NETO2: variants seen among roughly 807,000 people sequenced by gnomAD.
NETO2 encodes the protein neuropilin and tolloid-like protein 2.
NETO2 carries 28 observed loss-of-function variants against 62.5 expected under a neutral mutation model. The ratio of observed to expected loss-of-function variants is 0.45; its 90% confidence interval spans 0.33 to 0.61. The LOEUF is 0.61. Among genes scored for constraint, NETO2 ranks in the 20% least tolerant of loss-of-function variants. The probability of loss-of-function intolerance (pLI) is 0.02; values close to 1 mark genes in which losing one functional copy is unlikely to be tolerated. For synonymous variants in NETO2, 214 were observed against 219.1 expected (o/e 0.98, Z 0.21); for missense variants, 548 against 643.2 (o/e 0.85, Z 1.60).
At chr16:47,108,366 T>C (rs1214441632) in intron 7 of NETO2, among the ~76,000 whole-genome samples, 1 of 151,932 alleles carries the variant, frequency 6.6e-6, no homozygotes, top group East Asian at 1.9e-4. Context: ...AGGAAAAAAA[T>C]AGCAACTTTT....
chr16:47,089,301 C>A (rs945672635), intron 7 of NETO2, among the ~76,000 whole-genome samples: 2 of 151,990 alleles, frequency 1.3e-5, no homozygotes, highest in African/African-American at 4.8e-5. Context: ...CAGCAGAAAG[C>A]AGAAAAAAAC....
chr16:47,079,479 C>T lies in NETO2; in HGVS notation c.*3742G>A, dbSNP rs570458225. On this transcript the variant is annotated 3_prime_UTR_variant, in exon 9 of 9. Transcript: ENST00000562435. ...GCATGGTGTCGGGCGCCTGTAGTCC[C>T]AGCTACTTGGGAGACTGAGGCAGGA... 21 of 151,984 alleles carry T rather than the reference C, an allele frequency of 1.4e-4. No individual in the cohort carries two copies. The South Asian group carries it at 1.5e-3, about 11-fold the overall frequency. The allele number at this position is 151,984 out of a possible 1,614,324, so 9.4% of individuals were successfully genotyped here. A position where few individuals can be genotyped will look rare whatever the true frequency, so the allele number is the denominator to read the frequency against.
At position 47,079,586 on chromosome 16, in the gene NETO2, C is replaced by G. The variant is rs1384689607; in HGVS notation, c.*3635G>C. The G allele has an allele frequency of 6.6e-6, 1 of 152,410 alleles. No homozygotes were observed. The highest frequency in any genetic ancestry group is 1.5e-5 in the Non-Finnish European group (1 of 68,234). The allele number at this position is 152,410 out of a possible 1,614,324, so 9.4% of individuals were successfully genotyped here. On this transcript the variant is annotated 3_prime_UTR_variant, in exon 9 of 9. Coordinates refer to ENST00000562435, the MANE Select transcript of NETO2 (RefSeq NM_018092.5). ...CTCCAGCCTGGGCGACAGAGCGAGA[C>G]TCCGTCTCAAAAAAGAAAAAAACCA...
chr16:47,094,031 G>A (rs543458668), intron 7 of NETO2, among the ~76,000 whole-genome samples: 95 of 152,298 alleles, frequency 6.2e-4, no homozygotes, highest in Non-Finnish European at 1.2e-3. Context: ...GGGCAGTTCA[G>A]ATGTGTCTTA....
chr16:47,126,694 G>A (rs1354804117), intron 4 of NETO2, among the ~76,000 whole-genome samples: 1 of 152,164 alleles, frequency 6.6e-6, no homozygotes, highest in Non-Finnish European at 1.5e-5. Context: ...CGTGCAAGAT[G>A]CTGATGGAAA....
chr16:47,132,357 C>G (rs1311185697), intron 1 of NETO2, among the ~76,000 whole-genome samples: 1 of 151,294 alleles, frequency 6.6e-6, no homozygotes, highest in African/African-American at 2.4e-5. Flanking sequence ...AACTATTCCT[C>G]TATTTACTGT....
At chr16:47,084,352 T>A (rs918685200) in intron 8 of NETO2, among the ~76,000 whole-genome samples, 2 of 152,192 alleles carry the variant, frequency 1.3e-5, no homozygotes, top group Non-Finnish European at 2.9e-5. Context: ...TATTGAACTC[T>A]TACAGCAGGG....
intron 6 of NETO2, among the ~76,000 whole-genome samples, chr16:47,122,378 G>C (rs746969081): frequency 6.6e-6 from 1 of 151,956 alleles, no homozygotes; most frequent in Non-Finnish European, 1.5e-5. Flanking sequence ...TCACCAATTG[G>C]GAACTGACAG....
In NETO2 at chr16:47,083,091, A is replaced by G; in HGVS notation, c.*130T>C. On this transcript the variant is annotated 3_prime_UTR_variant, in exon 9 of 9. Transcript: ENST00000562435. ...GAGAGAATAAAAACATCACCATACA[A>G]TAGGTTAACGGTAAATCAAGGTCTT... is the stretch of plus-strand genomic sequence containing the variant. The G allele has an allele frequency of 1.3e-6, 1 of 763,886 alleles. No individual in the cohort carries two copies. The highest frequency in any genetic ancestry group is 2.1e-6 in the Non-Finnish European group (1 of 469,310). The allele number at this position is 763,886 out of a possible 1,614,324, so 47.3% of individuals were successfully genotyped here.
chr16:47,109,672 T>A lies in NETO2; in HGVS notation c.694A>T (p.Asn232Tyr). ...GCAACGAAGTTTCTCTTGCATTCAT[T>A]TGAGTGCTCCATTTGATAATCTAGG... is the stretch of plus-strand genomic sequence containing the variant. ...RFLDYQMEHS[N>Y]ECKRNFVAVY... Residue 232 changes from asparagine to tyrosine, a missense_variant, in exon 7 of 9, where the codon AAT becomes TAT. Transcript: ENST00000562435. 1 of 1,613,876 alleles carries A rather than the reference T, an allele frequency of 6.2e-7. No individual in the cohort carries two copies. The highest frequency in any genetic ancestry group is 2.2e-5 in the East Asian group (1 of 44,872).
rs1963043843 is a variant in NETO2, at chr16:47,080,433, T to A, written c.*2788A>T. On this transcript the variant is annotated 3_prime_UTR_variant, in exon 9 of 9. Coordinates refer to ENST00000562435, the MANE Select transcript of NETO2 (RefSeq NM_018092.5). ...TTCCACAAGATTGCTAAATTTCATG[T>A]CTTCTGTTATTAAATTTTATGGCTT... 1 of 152,252 alleles carries A rather than the reference T, an allele frequency of 6.6e-6. No homozygotes were observed. Among genetic ancestry groups the A allele is most frequent in the African/African-American group, 2.4e-5 (1 of 41,470 alleles). 9.4% of individuals were successfully genotyped at this position (152,252 alleles called of 1,614,324 possible). A position where few individuals can be genotyped will look rare whatever the true frequency, so the allele number is the denominator to read the frequency against.
intron 6 of NETO2, among the ~76,000 whole-genome samples, chr16:47,112,651 C>A (rs1369581301): frequency 6.6e-6 from 1 of 152,172 alleles, no homozygotes; most frequent in Non-Finnish European, 1.5e-5. Context: ...TGAGCCACTG[C>A]GCCTGGCCTA....
chr16:47,115,697 T>A (rs546244519), intron 6 of NETO2, among the ~76,000 whole-genome samples: 128 of 117,854 alleles, frequency 1.1e-3, no homozygotes, highest in Admixed American at 1.4e-3. Context: ...CGGCTAATTT[T>A]TATATATATA....
intron 4 of NETO2, among the ~76,000 whole-genome samples, chr16:47,123,324 G>A (rs1339178608): frequency 2.0e-5 from 3 of 152,146 alleles, no homozygotes; most frequent in South Asian, 2.1e-4. Flanking sequence ...TGTACTTAAC[G>A]CCACTGAATT....
intron 7 of NETO2, among the ~76,000 whole-genome samples, chr16:47,103,127 C>T (rs1351935671): frequency 2.0e-5 from 3 of 152,286 alleles, no homozygotes; most frequent in Non-Finnish European, 4.4e-5. Context: ...AGGATGAGTT[C>T]ATGTCCTTTG....
At chr16:47,090,510 T>C (rs1424014705) in intron 7 of NETO2, among the ~76,000 whole-genome samples, 6 of 152,298 alleles carry the variant, frequency 3.9e-5, no homozygotes, top group Admixed American at 3.3e-4. Flanking sequence ...ACTCCACTTA[T>C]AGCCTGAGAA....
intron 1 of NETO2, among the ~76,000 whole-genome samples, chr16:47,133,194 GA>G (rs376700304): frequency 3.9e-5 from 6 of 152,084 alleles, no homozygotes; most frequent in African/African-American, 1.4e-4. Flanking sequence ...GAAATAGAAT[GA>G]GGAAAACTCC....
chr16:47,136,422 CTGAT>C (rs1485185859), intron 1 of NETO2, among the ~76,000 whole-genome samples: 24 of 152,242 alleles, frequency 1.6e-4, no homozygotes, highest in Non-Finnish European at 2.5e-4. Flanking sequence ...TATTTATTGA[CTGAT>C]TGAGACAGTC....
intron 4 of NETO2, among the ~76,000 whole-genome samples, chr16:47,126,322 C>CAATA (rs1469284830): frequency 1.3e-5 from 2 of 152,134 alleles, no homozygotes; most frequent in African/African-American, 4.8e-5. Flanking sequence ...AAAAAATGAG[C>CAATA]TATTAAGCCA....
Sources: gnomAD v4.1 joint callset for allele counts (sites outside exome capture counted in the v4.1 genomes callset) on GRCh38, gnomAD v4.1.1 for gene constraint, MANE v1.5 for transcripts, NCBI Gene and HGNC (gene_info 2026-07-23, HGNC 2026-07-21) for gene names.